Variants in MUC3A observed in about 807,000 individuals in gnomAD.
The protein encoded by MUC3A is mucin-3A.
In MUC3A, 109 loss-of-function variants were observed where a neutral mutation model predicts 109.0. The observed-to-expected ratio is 1.00, with a 90% CI of 0.86 to 1.17. MUC3A has a LOEUF of 1.17. Ranked by LOEUF, MUC3A falls within the 50% of genes most tolerant of loss-of-function variation. MUC3A has a pLI of 0.00. For synonymous variants in MUC3A, 1,398 were observed against 981.4 expected, an observed-to-expected ratio of 1.42 and a Z score of -7.93; for missense variants, 3,537 against 2,469.4, an observed-to-expected ratio of 1.43 and a Z score of -9.16.
chr7:100,967,268 C>G lies in MUC3A; in HGVS notation c.*106C>G. 2 of 1,529,868 alleles carry G rather than the reference C, an allele frequency of 1.3e-6. No homozygotes were observed. Among genetic ancestry groups the G allele is most frequent in the Non-Finnish European group, 1.8e-6 (2 of 1,133,614 alleles). The allele number at this position is 1,529,868 out of a possible 1,614,324, so 94.8% of individuals were successfully genotyped here. ...CCCAGGACGCGGGCAGCCCAGGCTC[C>G]TGCTGTTCTTGGGCAAGATGAGACT... On this transcript the variant is annotated 3_prime_UTR_variant, in exon 12 of 12. Transcript: ENST00000379458.
Position 100,956,255 on chromosome 7 carries a change from C to T in MUC3A, c.4476C>T (p.Ala1492=), listed in dbSNP as rs1416471478. ...CTATGACAGAGACATCATCTACTGC[C>T]ACCTCTCTTCCACCCACCTCTTCCT... The part of the protein sequence containing the change: ...PTTMTETSST[A]TSLPPTSSLV... The change falls in exon 2 of 12, where the codon GCC becomes GCT. Residue 1492 remains alanine (A), a synonymous_variant. Transcript: ENST00000379458. 4.0e-6 allele frequency: 2 copies of T among 497,270 alleles called. No homozygotes were observed. Among genetic ancestry groups the T allele is most frequent in the Non-Finnish European group, 7.1e-6 (2 of 283,226 alleles). 30.8% of individuals were successfully genotyped at this position (497,270 alleles called of 1,614,324 possible). A position where few individuals can be genotyped will look rare whatever the true frequency, so the allele number is the denominator to read the frequency against.
In MUC3A at chr7:100,966,660, A is replaced by C. The variant is rs773389243; in HGVS notation, c.9794A>C (p.Asp3265Ala). ...WGGQRRGRSW[D>A]QDRKWFETWD... is the part of the protein sequence containing the mutation. ...GCGGCGGCCCCACCTAGGTCCTGGG[A>C]CCAGGACAGGAAATGGTTCGAGACC... The change falls in exon 10 of 12, where the codon GAC becomes GCC. Residue 3265 changes from aspartate to alanine, a missense_variant. Physicochemically the swap from Asp to Ala is moderately radical, Grantham distance 126. Coordinates refer to ENST00000379458, the MANE Select transcript of MUC3A (RefSeq NM_005960.2). 6.9e-5 allele frequency: 110 copies of C among 1,598,508 alleles called. No homozygotes were observed. In the East Asian group the frequency reaches 1.2e-3, roughly 17 times the overall value.
In MUC3A at chr7:100,960,580, C is replaced by A; in HGVS notation, c.8801C>A (p.Thr2934Lys). ...ACTACCCAGACTCCTACCACCCTTACATCACGCAGGACAACTCGCATCACT... is the reference window on the plus strand; with the variant it reads ...ACTACCCAGACTCCTACCACCCTTAAATCACGCAGGACAACTCGCATCACT... ...VATTQTPTTLTSRRTTRITSQ... is the reference protein window; with the variant it reads ...VATTQTPTTLKSRRTTRITSQ... Residue 2934 changes from threonine to lysine, a missense_variant, in exon 2 of 12, where the codon ACA becomes AAA. Physicochemically the swap from Thr to Lys is moderately conservative, Grantham distance 78 (BLOSUM62 -1). Coordinates refer to ENST00000379458, the MANE Select transcript of MUC3A (RefSeq NM_005960.2). 6.3e-7 allele frequency: 1 copy of A among 1,598,726 alleles called. No individual in the cohort carries two copies. The highest frequency in any genetic ancestry group is 8.5e-7 in the Non-Finnish European group (1 of 1,179,802).
In MUC3A at chr7:100,960,586, G is replaced by GCA. The variant is rs766337187; in HGVS notation, c.8808_8809dup (p.Arg2937ThrfsTer10). 108 of 1,598,462 alleles carry GCA rather than the reference G, an allele frequency of 6.8e-5. No individual in the cohort carries two copies. The African/African-American group carries it at 1.2e-3, about 18-fold the overall frequency. On this transcript the variant is annotated frameshift_variant, in exon 2 of 12. Transcript: ENST00000379458. LOFTEE classifies it high-confidence loss of function. The stretch of plus-strand genomic sequence containing the variant: ...CAGACTCCTACCACCCTTACATCAC[G>GCA]CAGGACAACTCGCATCACTTCTCAG...
chr7:100,951,000 T>TTTTTTG (rs58465763), intron 1 of MUC3A, among the ~76,000 whole-genome samples: 91,972 of 143,022 alleles, frequency 0.64, 27,647 homozygotes, highest in Admixed American at 0.73. Flanking sequence ...CTCTGGGCAG[T>TTTTTTG]TTTTTGTTTT....
Position 100,958,846 on chromosome 7 carries a change from C to A in MUC3A, c.7067C>A (p.Thr2356Asn). 2 of 1,590,458 alleles carry A rather than the reference C, an allele frequency of 1.3e-6. No individual in the cohort carries two copies. Among genetic ancestry groups the A allele is most frequent in the South Asian group, 1.1e-5 (1 of 90,794 alleles). Residue 2356 changes from threonine (T) to asparagine (N), a missense_variant, in exon 2 of 12, where the codon ACC (threonine) becomes AAC (asparagine). Thr to Asn is a moderately conservative substitution (Grantham distance 65). Coordinates refer to ENST00000379458, the MANE Select transcript of MUC3A (RefSeq NM_005960.2). ...TTTETNSHST[T>N]SFTSSITTTE... ...ACCGAGACCAACTCTCACAGTACTA[C>A]CAGCTTCACTTCTTCGATCACCACC...
Position 100,963,727 on chromosome 7 carries a change from A to C in MUC3A, c.9208A>C (p.Lys3070Gln). ...IFADMQGFTF[K>Q]GVEILSLRNG... Reference sequence around the variant, plus strand: ...TGCAGACATGCAGGGCTTCACCTTCAAGGGTGTGGAGATCCTGTCCCTGAG... The same window carrying C: ...TGCAGACATGCAGGGCTTCACCTTCCAGGGTGTGGAGATCCTGTCCCTGAG... Residue 3070 changes from lysine (K) to glutamine (Q), a missense_variant, in exon 5 of 12, where the codon AAG becomes CAG. Transcript: ENST00000379458. The C allele has an allele frequency of 6.3e-7, 1 of 1,598,558 alleles. No individual in the cohort carries two copies. Among genetic ancestry groups the C allele is most frequent in the South Asian group, 1.1e-5 (1 of 91,092 alleles).
intron 6 of MUC3A, 123 bp from the exon 7 acceptor site, chr7:100,965,159 C>CAA: frequency 3.1e-6 from 4 of 1,280,610 alleles, no homozygotes; most frequent in Non-Finnish European, 3.0e-6. Flanking sequence ...TGGGAGAGGG[C>CAA]TCTCCCAGAC....
rs916567947 is a variant in MUC3A, at chr7:100,954,806, C to T, written c.3027C>T (p.Pro1009=). Residue 1009 remains proline (P), a synonymous_variant, in exon 2 of 12, where the codon CCC becomes CCT. Coordinates refer to ENST00000379458, the MANE Select transcript of MUC3A (RefSeq NM_005960.2). ...CAACAGCCATGACTTCTCCTCCCCC[C>T]GTCAGTTCTTCAATCACTCCCACCA... is the stretch of plus-strand genomic sequence containing the variant. ...SLTTAMTSPP[P]VSSSITPTNT... 269 of 404,978 alleles carry T rather than the reference C, an allele frequency of 6.6e-4. 1 individual carries two copies. Among genetic ancestry groups the T allele is most frequent in the East Asian group, 6.2e-3 (174 of 28,162 alleles). The allele number at this position is 404,978 out of a possible 1,614,324, so 25.1% of individuals were successfully genotyped here. A position where few individuals can be genotyped will look rare whatever the true frequency, so the allele number is the denominator to read the frequency against.
Position 100,966,381 on chromosome 7 carries a change from C to T in MUC3A, c.9612-5C>T. ...AAGAGGGTCTGACCCTGCGATCTCCCGCAGCTGCTACTCCACCGACACGCA... is the reference window on the plus strand; with the variant it reads ...AAGAGGGTCTGACCCTGCGATCTCCTGCAGCTGCTACTCCACCGACACGCA... On this transcript the variant is annotated splice_polypyrimidine_tract_variant and splice_region_variant and intron_variant, in intron 8 of 11. Transcript: ENST00000379458. 1.1e-5 allele frequency: 15 copies of T among 1,328,740 alleles called. No individual in the cohort carries two copies. The highest frequency in any genetic ancestry group is 2.8e-5 in the East Asian group (1 of 35,900). The allele number at this position is 1,328,740 out of a possible 1,614,324, so 82.3% of individuals were successfully genotyped here.
rs927378587 is a variant in MUC3A at position 100,957,539 on chromosome 7, T to G, written c.5760T>G (p.Ser1920Arg). 1.2e-5 allele frequency: 19 copies of G among 1,576,400 alleles called. No individual in the cohort carries two copies. In the Admixed American group the frequency reaches 2.6e-4, roughly 22 times the overall value. The change falls in exon 2 of 12, where the codon AGT becomes AGG. Residue 1920 changes from serine (S) to arginine (R), a missense_variant. Coordinates refer to ENST00000379458, the MANE Select transcript of MUC3A (RefSeq NM_005960.2). Reference protein sequence around the residue: ...SIATTETPSHSTPRFTSSITT... With the variant: ...SIATTETPSHRTPRFTSSITT... ...CAACCACCGAGACCCCCTCACACAG[T>G]ACTCCCAGATTCACTTCTTCAATCA... is the stretch of plus-strand genomic sequence containing the variant.
rs569137948 is a variant in MUC3A at position 100,960,430 on chromosome 7, C to T, written c.8651C>T (p.Pro2884Leu). ...AGTTCTGTGATCCCCCTACCTCTTC[C>T]TGGCGTCTCTACCATCCCGCTCACC... ...SNSSVIPLPL[P>L]GVSTIPLTMK... The change falls in exon 2 of 12, where the codon CCT (proline) becomes CTT (leucine). Residue 2884 changes from proline (P) to leucine (L), a missense_variant. Coordinates refer to ENST00000379458, the MANE Select transcript of MUC3A (RefSeq NM_005960.2). 6.3e-6 allele frequency: 10 copies of T among 1,598,588 alleles called. No individual in the cohort carries two copies. In the African/African-American group the frequency reaches 9.3e-5, roughly 15 times the overall value.
At chr7:100,961,138 C>G (rs1265970104) in intron 3 of MUC3A, 3 of 932,550 alleles carry the variant, frequency 3.2e-6, no homozygotes, top group African/African-American at 1.8e-5. Context: ...TGGGACTACC[C>G]TCCCTCCTGG....
chr7:100,962,797 TTCTCTCTCTCTCTC>T (rs67170949), intron 3 of MUC3A, among the ~76,000 whole-genome samples: 1 of 143,318 alleles, frequency 7.0e-6, no homozygotes, highest in African/African-American at 2.6e-5. Context: ...CTTTCTTTCT[TTCTCTCTCTCTCTC>T]TCTTTCTTTC....
intron 5 of MUC3A, 64 bp from the exon 6 acceptor site, chr7:100,964,631 G>A (rs1419693584): frequency 4.5e-6 from 7 of 1,544,894 alleles, no homozygotes; most frequent in Middle Eastern, 1.7e-4. Flanking sequence ...TGCTTCTGGA[G>A]GTGCCCCTCC....
In MUC3A at chr7:100,957,577, C is replaced by G. The variant is rs1367707763; in HGVS notation, c.5798C>G (p.Thr1933Ser). The G allele has an allele frequency of 7.6e-6, 10 of 1,313,094 alleles. 1 individual carries two copies. Among genetic ancestry groups the G allele is most frequent in the Non-Finnish European group, 9.6e-6 (10 of 1,040,046 alleles). The allele number at this position is 1,313,094 out of a possible 1,614,324, so 81.3% of individuals were successfully genotyped here. A position where few individuals can be genotyped will look rare whatever the true frequency, so the allele number is the denominator to read the frequency against. Residue 1933 changes from threonine to serine, a missense_variant, in exon 2 of 12, where the codon ACC becomes AGC. By Grantham distance (58) the Thr-to-Ser change is moderately conservative. Transcript: ENST00000379458. ...ACTTCTTCAATCACCACTACCGAGACCCCCTCACACAGTACTCCCAGATTC... is the reference window on the plus strand; with the variant it reads ...ACTTCTTCAATCACCACTACCGAGAGCCCCTCACACAGTACTCCCAGATTC... Reference protein sequence around the residue: ...RFTSSITTTETPSHSTPRFTS... With the variant: ...RFTSSITTTESPSHSTPRFTS...
At position 100,949,693 on chromosome 7, in the gene MUC3A, G is replaced by A; in HGVS notation, c.61+8G>A. 3 of 1,532,998 alleles carry A rather than the reference G, an allele frequency of 2.0e-6. No individual in the cohort carries two copies. The highest frequency in any genetic ancestry group is 2.4e-5 in the East Asian group (1 of 42,068). The allele number at this position is 1,532,998 out of a possible 1,614,324, so 95.0% of individuals were successfully genotyped here. A position where few individuals can be genotyped will look rare whatever the true frequency, so the allele number is the denominator to read the frequency against. On this transcript the variant is annotated splice_region_variant and intron_variant, in intron 1 of 11. Transcript: ENST00000379458. ...CCTCCCCGTGGGCCACAGGTAAGGG[G>A]GAGAGGCGGAAGGGGGTTGGAGAAA...
chr7:100,956,273 C>T lies in MUC3A; in HGVS notation c.4494C>T (p.Thr1498=), dbSNP rs1792093180. ...TSSTATSLPP[T]SSLVSTAETA... The stretch of plus-strand genomic sequence containing the variant: ...CTACTGCCACCTCTCTTCCACCCAC[C>T]TCTTCCTTGGTCTCAACCGCAGAAA... Residue 1498 remains threonine, a synonymous_variant, in exon 2 of 12, where the codon ACC becomes ACT. Transcript: ENST00000379458. The T allele has an allele frequency of 3.6e-6, 2 of 549,038 alleles. No individual in the cohort carries two copies. The highest frequency in any genetic ancestry group is 3.9e-5 in the African/African-American group (2 of 51,564). The allele number at this position is 549,038 out of a possible 1,614,324, so 34.0% of individuals were successfully genotyped here.
Position 100,959,057 on chromosome 7 carries a change from C to T in MUC3A, c.7278C>T (p.Phe2426=). The stretch of plus-strand genomic sequence containing the variant: ...CTACCTCACACAGTACTCCTGGCTT[C>T]ACTTCTTCAATCACCACCACTGAGA... ...TETTSHSTPG[F]TSSITTTETT... Residue 2426 remains phenylalanine, a synonymous_variant, in exon 2 of 12, where the codon TTC becomes TTT. Coordinates refer to ENST00000379458, the MANE Select transcript of MUC3A (RefSeq NM_005960.2). 1 of 1,592,964 alleles carries T rather than the reference C, an allele frequency of 6.3e-7. No individual in the cohort carries two copies. Among genetic ancestry groups the T allele is most frequent in the South Asian group, 1.1e-5 (1 of 90,412 alleles).
Sources: gnomAD v4.1 joint callset for allele counts (sites outside exome capture counted in the v4.1 genomes callset) on GRCh38, gnomAD v4.1.1 for gene constraint, MANE v1.5 for transcripts, NCBI Gene and HGNC (gene_info 2026-07-23, HGNC 2026-07-21) for gene names.